XRCC6: variants seen among roughly 807,000 people sequenced by gnomAD.
The protein encoded by XRCC6 is DNA repair protein Ku70.
In XRCC6, 5 loss-of-function variants were observed where a neutral mutation model predicts 65.7. The ratio of observed to expected loss-of-function variants is 0.08; its 90% CI spans 0.04 to 0.16. XRCC6 has a LOEUF of 0.16. Ranked by LOEUF, XRCC6 falls within the 10% of genes least tolerant of loss-of-function variation. The probability of loss-of-function intolerance (pLI) is 1.00; values close to 1 mark genes in which losing one functional copy is unlikely to be tolerated. For synonymous variants in XRCC6, 270 were observed against 270.6 expected (o/e 1.00, Z 0.02); for missense variants, 447 against 738.1 (o/e 0.61, Z 4.57).
chr22:41,649,342 ATTTTT>A (rs895234704), intron 7 of XRCC6, among the ~76,000 whole-genome samples: 1 of 139,306 alleles, frequency 7.2e-6, no homozygotes, highest in Non-Finnish European at 1.6e-5. Flanking sequence ...AATTTTTTGT[ATTTTT>A]TTTTTTTTCA....
intron 5 of XRCC6, among the ~76,000 whole-genome samples, chr22:41,637,282 A>G (rs1387898601): frequency 6.6e-6 from 1 of 151,988 alleles, no homozygotes; most frequent in Non-Finnish European, 1.5e-5. Flanking sequence ...TGGGGGTTTC[A>G]CCACGTTGAC....
chr22:41,651,733 G>T (rs1210421451), intron 8 of XRCC6, among the ~76,000 whole-genome samples: 3 of 151,524 alleles, frequency 2.0e-5, no homozygotes, highest in Non-Finnish European at 2.9e-5. Context: ...TCACCATTTT[G>T]GCCAGTCTGG....
intron 1 of XRCC6, 180 bp from the exon 2 acceptor site, chr22:41,621,810 G>A: frequency 1.7e-6 from 1 of 590,308 alleles, no homozygotes; most frequent in South Asian, 2.0e-5. Context: ...GGCAGCTACT[G>A]GGATGGCCCC....
At chr22:41,656,863 CTT>C in intron 9 of XRCC6, 38 bp from the exon 10 acceptor site, 1 of 1,611,050 alleles carries the variant, frequency 6.2e-7, no homozygotes, top group Non-Finnish European at 8.5e-7. Flanking sequence ...GACTGCAACA[CTT>C]GAAGTCAAAT....
chr22:41,633,277 G>A (rs2067775395), intron 3 of XRCC6, among the ~76,000 whole-genome samples: 1 of 152,188 alleles, frequency 6.6e-6, no homozygotes, highest in Non-Finnish European at 1.5e-5. Flanking sequence ...GATTCTCTAT[G>A]TCTAGAATGG....
At chr22:41,631,297 G>A (rs915735060) in intron 3 of XRCC6, among the ~76,000 whole-genome samples, 6 of 151,404 alleles carry the variant, frequency 4.0e-5, no homozygotes, top group South Asian at 4.2e-4. Context: ...CGGACGGGTC[G>A]GCTGCTGGGC....
At chr22:41,643,846 G>A (rs2067904071) in intron 6 of XRCC6, among the ~76,000 whole-genome samples, 1 of 145,304 alleles carries the variant, frequency 6.9e-6, no homozygotes, top group African/African-American at 2.6e-5. Context: ...TTAGCTGGGC[G>A]CAGTGGCATG....
At chr22:41,644,104 G>A (rs1218727148) in intron 6 of XRCC6, among the ~76,000 whole-genome samples, 4 of 152,174 alleles carry the variant, frequency 2.6e-5, no homozygotes, top group African/African-American at 4.8e-5. Context: ...CCGAGATGGC[G>A]CCACTGCACT....
intron 11 of XRCC6, among the ~76,000 whole-genome samples, chr22:41,659,827 G>C (rs1297240514): frequency 6.6e-6 from 1 of 152,050 alleles, no homozygotes; most frequent in Admixed American, 6.6e-5. Context: ...TGGGATTACA[G>C]GCACCCGCCA....
chr22:41,659,774 T>C (rs1490613744), intron 11 of XRCC6, among the ~76,000 whole-genome samples: 5 of 151,302 alleles, frequency 3.3e-5, no homozygotes, highest in Non-Finnish European at 5.9e-5. Context: ...AACCTTTGGC[T>C]CCCAGGCTCA....
At chr22:41,655,600 G>A (rs1429639881) in intron 9 of XRCC6, among the ~76,000 whole-genome samples, 3 of 151,930 alleles carry the variant, frequency 2.0e-5, no homozygotes, top group Non-Finnish European at 4.4e-5. Flanking sequence ...TACTTGGGAG[G>A]CTGAGGCAGG....
rs566560415 is a variant in XRCC6 at position 41,631,424 on chromosome 22, G to A, written c.195+3194G>A. Among the ~76,000 whole-genome samples the A allele has an allele frequency of 2.1e-3, 323 of 150,630 alleles. 2 individuals carry two copies. The highest frequency in any genetic ancestry group is 7.4e-3 in the African/African-American group (303 of 40,870). On this transcript the variant is annotated intron_variant, in intron 3 of 12. Transcript: ENST00000360079. ...TCACTTCTCCGACGGGGCGGTTGCC[G>A]GGTGGAGGGTCTCCTCCCTTCTCAG...
chr22:41,656,805 C>T, intron 9 of XRCC6, 98 bp from the exon 10 acceptor site: 2 of 1,559,190 alleles, frequency 1.3e-6, no homozygotes, highest in Non-Finnish European at 1.7e-6. Context: ...GGCCCCAGCC[C>T]CAGCACCACA....
intron 9 of XRCC6, among the ~76,000 whole-genome samples, chr22:41,654,236 T>A (rs1314512825): frequency 6.6e-6 from 1 of 152,186 alleles, no homozygotes; most frequent in Non-Finnish European, 1.5e-5. Context: ...CTGTTTAATA[T>A]TCCTTAGCTA....
At chr22:41,659,182 C>A (rs1165171226) in intron 11 of XRCC6, among the ~76,000 whole-genome samples, 2 of 151,828 alleles carry the variant, frequency 1.3e-5, no homozygotes, top group African/African-American at 4.8e-5. Flanking sequence ...ACAAAATAGC[C>A]CCAGTGTTAA....
At chr22:41,641,409 A>G (rs2067874943) in intron 6 of XRCC6, among the ~76,000 whole-genome samples, 1 of 152,230 alleles carries the variant, frequency 6.6e-6, no homozygotes, top group Non-Finnish European at 1.5e-5. Flanking sequence ...TAATAATTAC[A>G]TCAGCATAGA....
chr22:41,643,242 CTA>C (rs2147094637), intron 6 of XRCC6, among the ~76,000 whole-genome samples: 1 of 152,064 alleles, frequency 6.6e-6, no homozygotes, highest in Non-Finnish European at 1.5e-5. Context: ...AACCCCGTCT[CTA>C]CTAAAAATAC....
At chr22:41,649,104 G>A (rs144307007) in intron 7 of XRCC6, among the ~76,000 whole-genome samples, 2,379 of 128,246 alleles carry the variant, frequency 0.019, 36 homozygotes, top group Non-Finnish European at 0.026. Flanking sequence ...GCGTGGTGGT[G>A]CACAGCCTGG....
chr22:41,624,532 C>A (rs1308442640), intron 2 of XRCC6, among the ~76,000 whole-genome samples: 2 of 149,260 alleles, frequency 1.3e-5, no homozygotes, highest in Non-Finnish European at 3.0e-5. Flanking sequence ...TAAAAAAATA[C>A]AAAAAATTAG....
Sources: allele counts gnomAD v4.1 joint callset (sites outside exome capture counted in the v4.1 genomes callset), GRCh38; gene constraint gnomAD v4.1.1; transcripts MANE v1.5; gene names NCBI Gene and HGNC (gene_info 2026-07-23, HGNC 2026-07-21).